The following ODAD3 variants were observed in gnomAD, a reference collection of about 807,000 sequenced individuals.
The protein encoded by ODAD3 is outer dynein arm-docking complex subunit 3.
In ODAD3, 57 loss-of-function variants were observed where a neutral mutation model predicts 70.9. The ratio of observed to expected loss-of-function variants is 0.80; its 90% CI spans 0.65 to 1.00. The LOEUF is 1.00. Among genes scored for constraint, ODAD3 ranks in the 50% least tolerant of loss-of-function variants. ODAD3 has a pLI of 0.00. For synonymous variants in ODAD3, 327 were observed against 315.9 expected (o/e 1.04, Z -0.37); for missense variants, 797 against 763.9 (o/e 1.04, Z -0.51).
rs746528135 is a variant in ODAD3 at position 11,431,083 on chromosome 19, C to T, written c.245-63G>A. On this transcript the variant is annotated intron_variant, in intron 1 of 12. Transcript: ENST00000356392. ...GGGTGGGTGCATGGGTGCAACATCC[C>T]AGAGGAAAGACCTTTTTTGCAATCA... 1.8e-5 allele frequency: 28 copies of T among 1,574,226 alleles called. No individual in the cohort carries two copies. In the Admixed American group the frequency reaches 3.2e-4, roughly 18 times the overall value.
chr19:11,425,650 CG>C (rs1969349151), intron 7 of ODAD3, among the ~76,000 whole-genome samples: 2 of 123,628 alleles, frequency 1.6e-5, no homozygotes, highest in African/African-American at 8.6e-5. Flanking sequence ...TATGTATATA[CG>C]TATATATATA....
chr19:11,421,304 A>T (rs1568346115), intron 11 of ODAD3, 92 bp from the exon 12 acceptor site: 1 of 1,198,462 alleles, frequency 8.3e-7, no homozygotes, highest in Non-Finnish European at 1.2e-6. Context: ...CCATTCCGAG[A>T]TATGCCCTAG....
At chr19:11,425,084 T>G (rs1969267266) in intron 7 of ODAD3, among the ~76,000 whole-genome samples, 1 of 136,312 alleles carries the variant, frequency 7.3e-6, no homozygotes, top group Admixed American at 7.0e-5. Context: ...TATGTGTATA[T>G]GTACATATGT....
chr19:11,421,877 C>CT (rs760192154), intron 10 of ODAD3, 45 bp from the exon 11 acceptor site: 42 of 1,573,328 alleles, frequency 2.7e-5, no homozygotes, highest in Non-Finnish European at 3.4e-5. Context: ...GGTGGGGCCT[C>CT]TTGGAAGGCT....
Position 11,422,790 on chromosome 19 carries a change from C to T in ODAD3, c.1188G>A (p.Glu396=). ...CCTGCTTCAGCCTCACCAACGTCTG[C>T]TCGTTCTCGCTCTTGAGCGTCTCCA... ...AQLETLKSEN[E]QTLVRLKQEK... Residue 396 remains glutamate (E), a synonymous_variant, in exon 9 of 13, where the codon GAG becomes GAA. Transcript: ENST00000356392. The surrounding 1 kb of genome is among the most constrained non-coding windows in gnomAD (Gnocchi z 4.6). 6.2e-7 allele frequency: 1 copy of T among 1,610,734 alleles called. No individual in the cohort carries two copies. Among genetic ancestry groups the T allele is most frequent in the Non-Finnish European group, 8.5e-7 (1 of 1,179,918 alleles).
At chr19:11,425,360 T>C (rs1266959365) in intron 7 of ODAD3, among the ~76,000 whole-genome samples, 1 of 130,348 alleles carries the variant, frequency 7.7e-6, no homozygotes, top group South Asian at 2.3e-4. Context: ...TGTGTATATG[T>C]ACATATGTGT....
intron 3 of ODAD3, 45 bp downstream of exon 3, chr19:11,430,654 C>T (rs1599466472): frequency 6.3e-7 from 1 of 1,591,308 alleles, no homozygotes; most frequent in Non-Finnish European, 8.6e-7. Context: ...GGTGAGGGGA[C>T]CCAGGCTGGA....
Position 11,426,139 on chromosome 19 carries a change from C to A in ODAD3, c.963+5G>T. The stretch of plus-strand genomic sequence containing the variant: ...TCACAGGCGCGCACCCCTGGGTGCG[C>A]CCACCTTGCGCTCCATGCGCTCGTT... On this transcript the variant is annotated splice_donor_5th_base_variant and intron_variant, in intron 7 of 12. Coordinates refer to ENST00000356392, the MANE Select transcript of ODAD3 (RefSeq NM_145045.5). 2 of 1,605,150 alleles carry A rather than the reference C, an allele frequency of 1.2e-6. No homozygotes were observed. Among genetic ancestry groups the A allele is most frequent in the Non-Finnish European group, 1.7e-6 (2 of 1,177,992 alleles).
chr19:11,425,259 A>G (rs1169624356), intron 7 of ODAD3, among the ~76,000 whole-genome samples: 1 of 140,552 alleles, frequency 7.1e-6, no homozygotes, highest in African/African-American at 2.9e-5. Context: ...ATGTATATGT[A>G]CATATGTGTA....
In ODAD3 at chr19:11,420,887, G is replaced by C; in HGVS notation, c.1736C>G (p.Ser579Cys). Reference protein sequence around the residue: ...VVTRASLKIRSQKLIESHKKH... With the variant: ...VVTRASLKIRCQKLIESHKKH... ...CTTGTGACTTTCGATTAATTTCTGG[G>C]AACGGATCTTGAGTGATGCGCGGGT... The change falls in exon 13 of 13, where the codon TCC becomes TGC. Residue 579 changes from serine (S) to cysteine (C), a missense_variant. Ser to Cys is a moderately radical substitution (Grantham distance 112). Coordinates refer to ENST00000356392, the MANE Select transcript of ODAD3 (RefSeq NM_145045.5). The C allele has an allele frequency of 3.7e-6, 6 of 1,613,918 alleles. No homozygotes were observed. The highest frequency in any genetic ancestry group is 4.2e-6 in the Non-Finnish European group (5 of 1,179,960).
At chr19:11,425,027 GTGCATATA>G (rs1969259245) in intron 7 of ODAD3, among the ~76,000 whole-genome samples, 4 of 132,096 alleles carry the variant, frequency 3.0e-5, no homozygotes, top group South Asian at 2.3e-4. Flanking sequence ...ATATACATAT[GTGCATATA>G]TACATATGTG....
chr19:11,431,197 C>T (rs1279014081), intron 1 of ODAD3, 177 bp from the exon 2 acceptor site: 18 of 715,324 alleles, frequency 2.5e-5, no homozygotes, highest in South Asian at 5.7e-5. Flanking sequence ...CCACAGCCTC[C>T]GCCTCCCGGG....
upstream of ODAD3, chr19:11,435,585 C>T (rs1349988407): frequency 1.0e-5 from 9 of 901,590 alleles, no homozygotes; most frequent in South Asian, 1.1e-4. Context: ...TCTCCGTTCC[C>T]GGTGCGGAAC....
At chr19:11,423,670 G>A (rs1313042875) in intron 8 of ODAD3, among the ~76,000 whole-genome samples, 2 of 152,110 alleles carry the variant, frequency 1.3e-5, no homozygotes. Context: ...AGCTCCTAGG[G>A]GTTTTGCTGC....
intron 7 of ODAD3, among the ~76,000 whole-genome samples, chr19:11,424,963 GTATATATGTATATATGTGTATATGTA>G (rs1969248966): frequency 1.7e-5 from 2 of 119,330 alleles, no homozygotes; most frequent in African/African-American, 3.8e-5. Context: ...GTACATATGT[GTATATATGTATATATGTGTATATGTA>G]CATATGTGTA....
rs1969350671 is a variant in ODAD3, at chr19:11,425,658, T to TGCATACATGC, written c.963+485_963+486insGCATGTATGC. On this transcript the variant is annotated intron_variant, in intron 7 of 12. Coordinates refer to ENST00000356392, the MANE Select transcript of ODAD3 (RefSeq NM_145045.5). ...GTATATATATGTATATACGTATATATATATATATATATGCAAAAAAAACCT... is the reference window on the plus strand; with the variant it reads ...GTATATATATGTATATACGTATATATGCATACATGCATATATATATATGCAAAAAAAACCT... 1.4e-4 allele frequency among the ~76,000 whole-genome samples: 19 copies of TGCATACATGC among 137,406 alleles called. 2 individuals carry two copies. Among genetic ancestry groups the TGCATACATGC allele is most frequent in the African/African-American group, 6.1e-4 (19 of 31,388 alleles). The allele number at this position is 137,406 out of a possible 152,430, so 90.1% of individuals were successfully genotyped here.
intron 8 of ODAD3, 38 bp downstream of exon 8, chr19:11,423,839 G>GT: frequency 7.5e-7 from 1 of 1,341,372 alleles, no homozygotes. Flanking sequence ...CTGGGGTGGG[G>GT]GGGGGGCGCG....
At chr19:11,428,770 A>G (rs1969439545) in intron 3 of ODAD3, among the ~76,000 whole-genome samples, 1 of 151,968 alleles carries the variant, frequency 6.6e-6, no homozygotes, top group Admixed American at 6.6e-5. Flanking sequence ...GCTGGTCTCA[A>G]ACTCTTGGGC....
Position 11,426,482 on chromosome 19 carries a change from C to A in ODAD3, c.804G>T (p.Val268=). 6.2e-7 allele frequency: 1 copy of A among 1,614,064 alleles called. No individual in the cohort carries two copies. The highest frequency in any genetic ancestry group is 1.3e-5 in the African/African-American group (1 of 75,014). ...CCCGGGCATTGAGGGCCTCTTGGTT[C>A]ACCACGTGCAGTGCCTCCAGCTCAT... The part of the protein sequence containing the change: ...TKHELEALHV[V]NQEALNARDI... Residue 268 remains valine, a synonymous_variant, in exon 6 of 13, where the codon GTG becomes GTT. Coordinates refer to ENST00000356392, the MANE Select transcript of ODAD3 (RefSeq NM_145045.5).
Sources: gnomAD v4.1 joint callset for allele counts (sites outside exome capture counted in the v4.1 genomes callset) on GRCh38, gnomAD v4.1.1 for gene constraint, Gnocchi (gnomAD v3.1) non-coding constraint, MANE v1.5 for transcripts, NCBI Gene and HGNC (gene_info 2026-07-23, HGNC 2026-07-21) for gene names.